Variants in PLCB4 observed in about 807,000 individuals in gnomAD.
PLCB4 encodes the protein phospholipase C beta 4.
Under a neutral mutation model 178.8 loss-of-function variants are expected in PLCB4, and 77 were observed. That is an observed-to-expected ratio of 0.43 (90% CI 0.36 to 0.52). PLCB4 has a LOEUF of 0.52. Among genes scored for constraint, PLCB4 ranks in the 20% least tolerant of loss-of-function variants. PLCB4 has a pLI of 0.00. For synonymous variants in PLCB4, 496 were observed against 490.8 expected (o/e 1.01, Z -0.14); for missense variants, 1,024 against 1,453.4 (o/e 0.70, Z 4.80).
At chr20:9,215,975 CTT>C (rs1163647519) in intron 2 of PLCB4, among the ~76,000 whole-genome samples, 3 of 152,272 alleles carry the variant, frequency 2.0e-5, no homozygotes, top group Non-Finnish European at 2.9e-5. Flanking sequence ...GATTTCCTCT[CTT>C]GTTTTTCATG....
At chr20:9,207,912 T>G (rs1001403315) in intron 2 of PLCB4, among the ~76,000 whole-genome samples, 2 of 152,338 alleles carry the variant, frequency 1.3e-5, no homozygotes, top group Middle Eastern at 3.4e-3. Flanking sequence ...ATTATTTTCT[T>G]TTTTAAAGAG....
At chr20:9,238,923 A>G (rs1241359267) in intron 3 of PLCB4, among the ~76,000 whole-genome samples, 1 of 152,190 alleles carries the variant, frequency 6.6e-6, no homozygotes, top group Non-Finnish European at 1.5e-5. Flanking sequence ...GGCGATCACT[A>G]TAGCCGTTTC....
At chr20:9,258,544 G>A (rs1016045865) in intron 3 of PLCB4, among the ~76,000 whole-genome samples, 14 of 151,642 alleles carry the variant, frequency 9.2e-5, no homozygotes, top group Non-Finnish European at 1.9e-4. Context: ...GTGAAACCCC[G>A]TCTCTACTAA....
At chr20:9,127,660 A>C (rs988117643) in intron 2 of PLCB4, among the ~76,000 whole-genome samples, 1 of 151,406 alleles carries the variant, frequency 6.6e-6, no homozygotes, top group Non-Finnish European at 1.5e-5. Context: ...CTATCTATCT[A>C]TCTATCTATC....
intron 2 of PLCB4, among the ~76,000 whole-genome samples, chr20:9,209,613 A>G (rs2093650869): frequency 6.6e-6 from 1 of 152,054 alleles, no homozygotes; most frequent in South Asian, 2.1e-4. Flanking sequence ...TGTGACAAGG[A>G]GTGTTGATGG....
intron 9 of PLCB4, among the ~76,000 whole-genome samples, chr20:9,366,959 C>G (rs73246653): frequency 1.3e-5 from 2 of 152,144 alleles, no homozygotes; most frequent in African/African-American, 4.8e-5. Flanking sequence ...ACCAGGTCAC[C>G]GAGTGCGTAG....
intron 34 of PLCB4, among the ~76,000 whole-genome samples, chr20:9,458,427 T>A (rs916208443): frequency 6.6e-6 from 1 of 152,240 alleles, no homozygotes; most frequent in Non-Finnish European, 1.5e-5. Context: ...GGCAACAGTA[T>A]CAGTTTGCTT....
At chr20:9,176,609 A>T (rs1312181496) in intron 2 of PLCB4, among the ~76,000 whole-genome samples, 1 of 152,232 alleles carries the variant, frequency 6.6e-6, no homozygotes, top group Non-Finnish European at 1.5e-5. Flanking sequence ...AGGGAAATGT[A>T]TACATATTTT....
chr20:9,111,479 A>T (rs2091573001), intron 2 of PLCB4, among the ~76,000 whole-genome samples: 2 of 152,196 alleles, frequency 1.3e-5, no homozygotes, highest in African/African-American at 4.8e-5. Context: ...GGCCTAGCCC[A>T]GGTGACAGAT....
chr20:9,333,883 C>G (rs1056936556), intron 4 of PLCB4, among the ~76,000 whole-genome samples: 2 of 152,060 alleles, frequency 1.3e-5, no homozygotes, highest in African/African-American at 2.4e-5. Flanking sequence ...ATTTATGGAA[C>G]TAAGGAAGTA....
At chr20:9,460,040 A>G (rs1427813343) in intron 35 of PLCB4, among the ~76,000 whole-genome samples, 3 of 152,128 alleles carry the variant, frequency 2.0e-5, no homozygotes. Flanking sequence ...TTGAGAGGCC[A>G]AGACAGGAGG....
intron 4 of PLCB4, among the ~76,000 whole-genome samples, chr20:9,318,309 G>T (rs566352339): frequency 2.2e-4 from 34 of 151,982 alleles, no homozygotes; most frequent in Non-Finnish European, 2.4e-4. Context: ...CGGGGTCTAG[G>T]CTTCTGCTGA....
chr20:9,415,613 T>C (rs535918817), intron 25 of PLCB4, among the ~76,000 whole-genome samples: 1 of 152,376 alleles, frequency 6.6e-6, no homozygotes, highest in East Asian at 1.9e-4. Context: ...TGTCTTGGCA[T>C]TGGCTTTGGC....
At chr20:9,422,749 G>T (rs2040731834) in intron 27 of PLCB4, among the ~76,000 whole-genome samples, 1 of 152,040 alleles carries the variant, frequency 6.6e-6, no homozygotes, top group South Asian at 2.1e-4. Flanking sequence ...TGTCATTTTT[G>T]TATTTTTCAC....
At chr20:9,159,702 G>A (rs2146972872) in intron 2 of PLCB4, among the ~76,000 whole-genome samples, 1 of 152,246 alleles carries the variant, frequency 6.6e-6, no homozygotes, top group East Asian at 1.9e-4. Flanking sequence ...TATACACAGT[G>A]AGCCCAGGAG....
At chr20:9,233,889 C>T (rs190112967) in intron 3 of PLCB4, among the ~76,000 whole-genome samples, 9 of 152,164 alleles carry the variant, frequency 5.9e-5, no homozygotes, top group African/African-American at 1.7e-4. Context: ...GATAGGCATG[C>T]TCTGATTTCT....
intron 3 of PLCB4, among the ~76,000 whole-genome samples, chr20:9,233,871 A>T (rs1318179770): frequency 1.3e-5 from 2 of 152,058 alleles, no homozygotes; most frequent in African/African-American, 4.8e-5. Context: ...ATGGAATGGG[A>T]ATTTATCGAT....
chr20:9,344,169 C>T (rs1426293191), intron 7 of PLCB4, among the ~76,000 whole-genome samples: 1 of 152,164 alleles, frequency 6.6e-6, no homozygotes, highest in African/African-American at 2.4e-5. Flanking sequence ...TCTCTCTTTC[C>T]TCCTACGCAT....
At chr20:9,337,756 CAT>C (rs2032657748) in intron 5 of PLCB4, among the ~76,000 whole-genome samples, 1 of 151,840 alleles carries the variant, frequency 6.6e-6, no homozygotes, top group African/African-American at 2.4e-5. Flanking sequence ...ATTTTAGAAA[CAT>C]TTTTATATTC....
Sources: gnomAD v4.1 joint callset for allele counts (sites outside exome capture counted in the v4.1 genomes callset) on GRCh38, gnomAD v4.1.1 for gene constraint, MANE v1.5 for transcripts, NCBI Gene and HGNC (gene_info 2026-07-23, HGNC 2026-07-21) for gene names.